The following UBE3D variants were observed in gnomAD, a reference collection of about 807,000 sequenced individuals.
UBE3D encodes ubiquitin protein ligase E3D, also known as E3 ubiquitin-protein ligase E3D.
In UBE3D, 48 loss-of-function variants were observed where a neutral mutation model predicts 49.6. That is an observed-to-expected ratio of 0.97 (90% CI 0.77 to 1.23). The LOEUF is 1.23. UBE3D is among the 50% of genes most tolerant of loss of function. The pLI is 0.00. For missense variants in UBE3D, 452 were observed against 468.4 expected, an observed-to-expected ratio of 0.96 and a Z score of 0.32; for synonymous variants, 189 against 174.2, an observed-to-expected ratio of 1.08 and a Z score of -0.67.
chr6:82,933,837 C>G (rs971768312), intron 9 of UBE3D, among the ~76,000 whole-genome samples: 1 of 152,144 alleles, frequency 6.6e-6, no homozygotes, highest in Non-Finnish European at 1.5e-5. Context: ...AGAAAACAAG[C>G]TAAGCACTTC....
At chr6:82,943,275 A>G (rs996742457) in intron 9 of UBE3D, among the ~76,000 whole-genome samples, 1 of 152,070 alleles carries the variant, frequency 6.6e-6, no homozygotes, top group Admixed American at 6.5e-5. Context: ...AGAATACCCT[A>G]TCCACTGTCC....
At chr6:83,064,223 CTTTTT>C (rs1784355082) in intron 1 of UBE3D, among the ~76,000 whole-genome samples, 1 of 151,368 alleles carries the variant, frequency 6.6e-6, no homozygotes, top group Non-Finnish European at 1.5e-5. Context: ...CTTTTTTTTT[CTTTTT>C]ATTTTTTATT....
chr6:82,916,890 C>A (rs1772954647), intron 9 of UBE3D, among the ~76,000 whole-genome samples: 1 of 152,134 alleles, frequency 6.6e-6, no homozygotes, highest in African/African-American at 2.4e-5. Context: ...TAGAATGTTT[C>A]AATTAATCTA....
At chr6:82,935,178 C>G (rs904265727) in intron 9 of UBE3D, among the ~76,000 whole-genome samples, 2 of 150,970 alleles carry the variant, frequency 1.3e-5, no homozygotes, top group East Asian at 4.0e-4. Context: ...ACAATCATAG[C>G]AGAAGGTGAA....
intron 9 of UBE3D, among the ~76,000 whole-genome samples, chr6:82,918,408 G>A (rs1474937531): frequency 6.6e-6 from 1 of 152,150 alleles, no homozygotes. Context: ...AAGGTACAAG[G>A]TTTCTAAAGT....
rs1784469515 is a variant in UBE3D at position 83,065,781 on chromosome 6, C to T, written c.-63G>A. The T allele has an allele frequency of 6.6e-7, 1 of 1,511,882 alleles. No individual in the cohort carries two copies. The highest frequency in any genetic ancestry group is 9.0e-7 in the Non-Finnish European group (1 of 1,109,098). 93.7% of individuals were successfully genotyped at this position (1,511,882 alleles called of 1,614,324 possible). A position where few individuals can be genotyped will look rare whatever the true frequency, so the allele number is the denominator to read the frequency against. ...TTCCGAGGGGCCCGGGTCAACAGGACCAGGAGAGGTTCCACGTGCGGACCA... is the reference window on the plus strand; with the variant it reads ...TTCCGAGGGGCCCGGGTCAACAGGATCAGGAGAGGTTCCACGTGCGGACCA... On this transcript the variant is annotated 5_prime_UTR_variant, in exon 1 of 10. Transcript: ENST00000369747.
chr6:82,893,065 C>A, intron 9 of UBE3D, 23 bp from the exon 10 acceptor site: 6 of 1,613,038 alleles, frequency 3.7e-6, no homozygotes, highest in Non-Finnish European at 5.1e-6. Flanking sequence ...GAAAAACCCA[C>A]AATGCTTTAC....
chr6:83,014,828 T>G (rs528888774), intron 8 of UBE3D, among the ~76,000 whole-genome samples: 1 of 152,286 alleles, frequency 6.6e-6, no homozygotes, highest in African/African-American at 2.4e-5. Flanking sequence ...GTAAACTGGC[T>G]CAAGTCTGGA....
chr6:83,012,358 C>G (rs1780398910), intron 8 of UBE3D, among the ~76,000 whole-genome samples: 1 of 152,176 alleles, frequency 6.6e-6, no homozygotes, highest in South Asian at 2.1e-4. Context: ...GGTGCCATAT[C>G]AAGGGCTCAG....
rs556874512 is a variant in UBE3D, at chr6:83,010,238, T to C, written c.1010+8735A>G. Among the ~76,000 whole-genome samples, 1,033 of 152,278 alleles carry C rather than the reference T, an allele frequency of 6.8e-3. 13 individuals are homozygous for C. Among genetic ancestry groups the C allele is most frequent in the African/African-American group, 0.023 (976 of 41,564 alleles). On this transcript the variant is annotated intron_variant, in intron 8 of 9. Transcript: ENST00000369747. ...TTTTGAAATAAATAAAAAAGTTATTTTTTGCTTCCAAATCATTGGAAGAAA... is the reference window on the plus strand; with the variant it reads ...TTTTGAAATAAATAAAAAAGTTATTCTTTGCTTCCAAATCATTGGAAGAAA...
At chr6:82,916,694 C>T (rs778862801) in intron 9 of UBE3D, among the ~76,000 whole-genome samples, 1 of 152,168 alleles carries the variant, frequency 6.6e-6, no homozygotes, top group Non-Finnish European at 1.5e-5. Flanking sequence ...CATCTACGTA[C>T]ATTTCAAGTG....
intron 3 of UBE3D, among the ~76,000 whole-genome samples, chr6:83,052,762 T>C (rs1433512291): frequency 1.3e-5 from 2 of 152,028 alleles, no homozygotes; most frequent in Non-Finnish European, 1.5e-5. Flanking sequence ...GGAATTTATA[T>C]TGGAGAAATG....
At chr6:82,914,908 G>A (rs1184198947) in intron 9 of UBE3D, among the ~76,000 whole-genome samples, 3 of 91,556 alleles carry the variant, frequency 3.3e-5, no homozygotes, top group Non-Finnish European at 7.6e-5. Flanking sequence ...AGAGGATAAT[G>A]GAAATTACTT....
chr6:82,975,710 T>C (rs978213895), intron 8 of UBE3D, among the ~76,000 whole-genome samples: 1 of 152,172 alleles, frequency 6.6e-6, no homozygotes, highest in African/African-American at 2.4e-5. Context: ...TAAATTAAGA[T>C]AATTTTTAAA....
chr6:83,030,408 G>A (rs1781783475), intron 5 of UBE3D, among the ~76,000 whole-genome samples: 1 of 152,156 alleles, frequency 6.6e-6, no homozygotes, highest in Non-Finnish European at 1.5e-5. Context: ...ATAAAAGACA[G>A]TTCCCCTGCA....
chr6:83,027,935 CTTCTA>C (rs1282255737), intron 5 of UBE3D, among the ~76,000 whole-genome samples: 3 of 152,110 alleles, frequency 2.0e-5, no homozygotes, highest in African/African-American at 7.2e-5. Context: ...CTTACTCTCT[CTTCTA>C]TATTTTTTGC....
intron 9 of UBE3D, among the ~76,000 whole-genome samples, chr6:82,900,233 T>C: frequency 6.6e-6 from 1 of 152,182 alleles, no homozygotes; most frequent in Non-Finnish European, 1.5e-5. Context: ...AGAAATAAAG[T>C]GCTTTTCTAT....
chr6:83,032,315 G>A, intron 5 of UBE3D: 2 of 454,388 alleles, frequency 4.4e-6, no homozygotes, highest in South Asian at 1.6e-5. Context: ...ACCTGGATGT[G>A]AGACATGAAG....
At chr6:83,054,878 T>C (rs1324956751) in intron 2 of UBE3D, among the ~76,000 whole-genome samples, 1 of 152,196 alleles carries the variant, frequency 6.6e-6, no homozygotes, top group Non-Finnish European at 1.5e-5. Context: ...CTTGCATTCC[T>C]GACCTCGTAA....
Sources: allele counts gnomAD v4.1 joint callset (sites outside exome capture counted in the v4.1 genomes callset), GRCh38; gene constraint gnomAD v4.1.1; transcripts MANE v1.5; gene names NCBI Gene and HGNC (gene_info 2026-07-23, HGNC 2026-07-21).